Variants in TRIM24 observed in about 807,000 individuals in gnomAD.
TRIM24 encodes transcription intermediary factor 1-alpha.
In TRIM24, 29 loss-of-function variants were observed where a neutral mutation model predicts 123.9. That is an observed-to-expected ratio of 0.23 (90% CI 0.17 to 0.32). The LOEUF (loss-of-function observed/expected upper bound fraction) is 0.32. TRIM24 is among the 10% of genes least tolerant of loss of function. The probability of loss-of-function intolerance (pLI) is 1.00; values close to 1 mark genes in which losing one functional copy is unlikely to be tolerated. For missense variants in TRIM24, 932 were observed against 1,295.3 expected, an observed-to-expected ratio of 0.72 and a Z score of 4.31; for synonymous variants, 456 against 461.1, an observed-to-expected ratio of 0.99 and a Z score of 0.14.
At chr7:138,491,793 C>T (rs1421604) in intron 1 of TRIM24, among the ~76,000 whole-genome samples, 122,513 of 152,076 alleles carry the variant, frequency 0.81, 49,655 homozygotes, top group African/African-American at 0.85. Flanking sequence ...AGAGTTATAG[C>T]TTCTCCACAT....
At chr7:138,569,173 T>A (rs746454876) in intron 10 of TRIM24, among the ~76,000 whole-genome samples, 4 of 152,326 alleles carry the variant, frequency 2.6e-5, no homozygotes, top group South Asian at 2.1e-4. Flanking sequence ...TGCAGAGTTA[T>A]GTTGAGAGTT....
In TRIM24 at chr7:138,586,517, T is replaced by C. The variant is rs1294834866; in HGVS notation, c.*1566T>C. 3 of 152,402 alleles carry C rather than the reference T, an allele frequency of 2.0e-5. No individual in the cohort carries two copies. The highest frequency in any genetic ancestry group is 1.9e-4 in the East Asian group (1 of 5,202). 9.4% of individuals were successfully genotyped at this position (152,402 alleles called of 1,614,324 possible). ...ATAACTTGTTAGCAATAGATCCCCA[T>C]TGTTTATATATATAGGTCTTGTTCA... On this transcript the variant is annotated 3_prime_UTR_variant, in exon 19 of 19. Transcript: ENST00000343526.
At chr7:138,580,772 T>A (rs1468490502) in intron 16 of TRIM24, 78 bp downstream of exon 16, 17 of 1,369,396 alleles carry the variant, frequency 1.2e-5, no homozygotes, top group Non-Finnish European at 1.7e-5. Context: ...GAGGTGTATA[T>A]CCATCCAGAT....
chr7:138,460,752 C>T lies in TRIM24; in HGVS notation c.204C>T (p.Pro68=), dbSNP rs1794942265. 1 of 1,577,798 alleles carries T rather than the reference C, an allele frequency of 6.3e-7. No individual in the cohort carries two copies. Among genetic ancestry groups the T allele is most frequent in the Non-Finnish European group, 8.6e-7 (1 of 1,165,096 alleles). The change falls in exon 1 of 19, where the codon CCC becomes CCT. Residue 68 remains proline (P), a synonymous_variant. Transcript: ENST00000343526. ...ACCAGAACATCCAGAGCCGGGCGCC[C>T]AAGCTGCTGCCCTGCCTGCACTCTT... ...VCHQNIQSRA[P]KLLPCLHSFC...
intron 3 of TRIM24, among the ~76,000 whole-genome samples, chr7:138,517,350 T>G (rs936274376): frequency 6.6e-5 from 10 of 151,946 alleles, no homozygotes; most frequent in East Asian, 1.9e-4. Context: ...CTTAGGGTTT[T>G]TGTGTGTGTG....
Position 138,584,998 on chromosome 7 carries a change from C to T in TRIM24, c.*47C>T, listed in dbSNP as rs950618156. ...GCTGGTTTTTAGATTTTTTTGTTTT[C>T]AAAAAAACATTTGTCAGTAATTTAA... On this transcript the variant is annotated 3_prime_UTR_variant, in exon 19 of 19. Coordinates refer to ENST00000343526, the MANE Select transcript of TRIM24 (RefSeq NM_015905.3). 2 of 1,495,856 alleles carry T rather than the reference C, an allele frequency of 1.3e-6. No individual in the cohort carries two copies. The highest frequency in any genetic ancestry group is 2.8e-5 in the African/African-American group (2 of 70,368). The allele number at this position is 1,495,856 out of a possible 1,614,324, so 92.7% of individuals were successfully genotyped here. A position where few individuals can be genotyped will look rare whatever the true frequency, so the allele number is the denominator to read the frequency against.
At chr7:138,556,133 G>A (rs1435087276) in intron 9 of TRIM24, 1 of 151,966 alleles carries the variant, frequency 6.6e-6, no homozygotes, top group Admixed American at 6.6e-5. Context: ...GTATTTCTAT[G>A]ATATAAAACC....
At chr7:138,461,427 TTTC>T (rs1310288860) in intron 1 of TRIM24, 1 of 375,526 alleles carries the variant, frequency 2.7e-6, no homozygotes, top group African/African-American at 2.2e-5. Context: ...ATGTCATTTA[TTTC>T]TTATCTTGCA....
At chr7:138,496,850 G>T (rs1258900681) in intron 1 of TRIM24, among the ~76,000 whole-genome samples, 1 of 151,952 alleles carries the variant, frequency 6.6e-6, no homozygotes, top group African/African-American at 2.4e-5. Flanking sequence ...ATCAAAGAAG[G>T]CTTTTCTCCC....
intron 2 of TRIM24, among the ~76,000 whole-genome samples, chr7:138,511,403 C>T (rs1441478020): frequency 6.6e-6 from 1 of 151,554 alleles, no homozygotes; most frequent in African/African-American, 2.4e-5. Context: ...CAGGTTCAAG[C>T]GATTCTCCTG....
At chr7:138,566,194 G>C (rs959308890) in intron 9 of TRIM24, among the ~76,000 whole-genome samples, 2 of 152,036 alleles carry the variant, frequency 1.3e-5, no homozygotes, top group Non-Finnish European at 2.9e-5. Flanking sequence ...TAATCAACCA[G>C]GGTTGTTCTT....
chr7:138,514,516 A>G (rs535189525), intron 2 of TRIM24: 6 of 152,122 alleles, frequency 3.9e-5, no homozygotes, highest in Admixed American at 3.9e-4. Flanking sequence ...AGTTCTTTGA[A>G]CCTGCCTGCT....
chr7:138,588,998 A>G lies in TRIM24; in HGVS notation c.*4047A>G, dbSNP rs2116706889. The stretch of plus-strand genomic sequence containing the variant: ...ACTCCAGCCTGGGCAACAAGAGCAA[A>G]ACTCTGTCTCAAAAAAAAAAAAAAA... On this transcript the variant is annotated 3_prime_UTR_variant, in exon 19 of 19. Transcript: ENST00000343526. 1 of 148,728 alleles carries G rather than the reference A, an allele frequency of 6.7e-6. No homozygotes were observed. The highest frequency in any genetic ancestry group is 2.5e-5 in the African/African-American group (1 of 39,828). 9.2% of individuals were successfully genotyped at this position (148,728 alleles called of 1,614,324 possible).
chr7:138,505,527 T>TGTA (rs776196036), intron 2 of TRIM24, among the ~76,000 whole-genome samples: 1 of 150,404 alleles, frequency 6.6e-6, no homozygotes, highest in Non-Finnish European at 1.5e-5. Context: ...TTGTTGTTGT[T>TGTA]GTTGTTGTTG....
In TRIM24 at chr7:138,515,310, A is replaced by C. The variant is rs972680936; in HGVS notation, c.582A>C (p.Val194=). The C allele has an allele frequency of 6.2e-7, 1 of 1,614,068 alleles. No individual in the cohort carries two copies. Among genetic ancestry groups the C allele is most frequent in the African/African-American group, 1.3e-5 (1 of 75,062 alleles). Residue 194 remains valine, a synonymous_variant, in exon 3 of 19, where the codon GTA becomes GTC. Transcript: ENST00000343526. ...CGTGTATCAGAGCTCATCAGAGGGT[A>C]AAGTTCACAAAAGACCACACTGTCA... ...CKTCIRAHQR[V]KFTKDHTVRQ...
chr7:138,539,031 T>C (rs1796948963), intron 7 of TRIM24, among the ~76,000 whole-genome samples: 1 of 152,228 alleles, frequency 6.6e-6, no homozygotes, highest in African/African-American at 2.4e-5. Flanking sequence ...ATTCACTGTC[T>C]TCATAGCAAT....
At chr7:138,529,268 A>G (rs778602517) in intron 6 of TRIM24, 38 bp downstream of exon 6, 4 of 1,060,142 alleles carry the variant, frequency 3.8e-6, no homozygotes, top group East Asian at 2.7e-5. Flanking sequence ...TTGATTCAAC[A>G]TAGTATTTCC....
chr7:138,501,683 C>A (rs1250481990), intron 1 of TRIM24, among the ~76,000 whole-genome samples: 4 of 151,870 alleles, frequency 2.6e-5, no homozygotes, highest in Non-Finnish European at 5.9e-5. Flanking sequence ...GTCAGGAGAT[C>A]AAGACCATCC....
intron 7 of TRIM24, among the ~76,000 whole-genome samples, chr7:138,550,037 G>A (rs1240455487): frequency 6.6e-6 from 1 of 152,120 alleles, no homozygotes; most frequent in Non-Finnish European, 1.5e-5. Flanking sequence ...AAATACTGAT[G>A]ATTCAAAAAG....
Sources: allele counts gnomAD v4.1 joint callset (sites outside exome capture counted in the v4.1 genomes callset), GRCh38; gene constraint gnomAD v4.1.1; transcripts MANE v1.5; gene names NCBI Gene and HGNC (gene_info 2026-07-23, HGNC 2026-07-21).